Variants in FGF13 observed in about 807,000 individuals in gnomAD.
The protein encoded by FGF13 is fibroblast growth factor 13, also known as fibroblast growth factor homologous factor 2.
FGF13 carries 2 observed loss-of-function variants against 19.5 expected under a neutral mutation model. The observed-to-expected ratio is 0.10, with a 90% CI of 0.04 to 0.32. The LOEUF is 0.32. FGF13 is among the 10% of genes least tolerant of loss of function. The pLI, the probability that FGF13 is intolerant of heterozygous loss-of-function variation, is 1.00. For synonymous variants in FGF13, 72 were observed against 76.9 expected, an observed-to-expected ratio of 0.94 and a Z score of 0.33; for missense variants, 113 against 192.7, an observed-to-expected ratio of 0.59 and a Z score of 2.45.
At chrX:139,118,414 C>T (rs1357425615) in intron 1 of FGF13, among the ~76,000 whole-genome samples, 4 of 111,387 alleles carry the variant, frequency 3.6e-5, no homozygotes, top group Non-Finnish European at 7.5e-5. Flanking sequence ...GTAAGTCAAA[C>T]CATCATAAGT....
At chrX:138,898,337 G>A (rs116280887) in intron 1 of FGF13, among the ~76,000 whole-genome samples, 2,926 of 111,788 alleles carry the variant, frequency 0.026, 91 homozygotes, top group African/African-American at 0.091. Flanking sequence ...AAAGTAGTTG[G>A]TTCATAAATA....
At chrX:138,984,573 A>AAGAAGAAGAAGG (rs2091981563) in intron 1 of FGF13, among the ~76,000 whole-genome samples, 1 of 53,514 alleles carries the variant, frequency 1.9e-5, no homozygotes, top group Admixed American at 2.1e-4. Flanking sequence ...GAAGAAGAAG[A>AAGAAGAAGAAGG]AGAAGAAGAA....
At chrX:138,834,230 CTCT>C (rs2091094881) in intron 3 of FGF13, among the ~76,000 whole-genome samples, 2 of 112,055 alleles carry the variant, frequency 1.8e-5, no homozygotes, top group Admixed American at 1.9e-4. Context: ...ATGGTACCAG[CTCT>C]TCTTTGTACA....
chrX:139,060,623 C>A (rs1334433733), intron 1 of FGF13, among the ~76,000 whole-genome samples: 1 of 111,608 alleles, frequency 9.0e-6, no homozygotes, highest in Non-Finnish European at 1.9e-5. Context: ...ACTTTTCCTG[C>A]ATATGACTCC....
At chrX:139,073,110 T>G in intron 1 of FGF13, among the ~76,000 whole-genome samples, 1 of 105,400 alleles carries the variant, frequency 9.5e-6, no homozygotes, top group Admixed American at 1.0e-4. Flanking sequence ...ATTGTTTTAT[T>G]TTTTCTAGTT....
chrX:138,913,698 AAGGAAG>A lies in FGF13; in HGVS notation c.-112-49054_-112-49049del, dbSNP rs2091603698. On this transcript the variant is annotated intron_variant, in intron 1 of 2. Transcript: ENST00000421460. The stretch of plus-strand genomic sequence containing the variant: ...GAAGGAAGGAAGGAAGGAAGGAAGG[AAGGAAG>A]GAAAGAAAACTATCAGGGCGAACAA... Among the ~76,000 whole-genome samples, 3 of 103,454 alleles carry A rather than the reference AAGGAAG, an allele frequency of 2.9e-5. No homozygotes were observed. The South Asian group carries it at 1.4e-3, about 48-fold the overall frequency. 89.8% of individuals were successfully genotyped at this position (103,454 alleles called of 115,157 possible).
chrX:139,169,225 T>G (rs2084110468), intron 1 of FGF13, among the ~76,000 whole-genome samples: 1 of 112,102 alleles, frequency 8.9e-6, no homozygotes. Flanking sequence ...CCCATTTATC[T>G]CTTGCTCTTC....
chrX:139,000,854 C>A (rs901053150), intron 1 of FGF13, among the ~76,000 whole-genome samples: 1 of 111,814 alleles, frequency 8.9e-6, no homozygotes, highest in Non-Finnish European at 1.9e-5. Flanking sequence ...TCATATGGAA[C>A]CAAAAAGAGC....
At chrX:138,970,470 C>T (rs1000948891) in intron 1 of FGF13, among the ~76,000 whole-genome samples, 5 of 111,340 alleles carry the variant, frequency 4.5e-5, no homozygotes, top group African/African-American at 6.5e-5. Context: ...CAATATGTCA[C>T]TCTGTTTGGA....
chrX:138,832,914 A>G (rs879202311), intron 3 of FGF13, among the ~76,000 whole-genome samples: 1 of 112,038 alleles, frequency 8.9e-6, no homozygotes, highest in Non-Finnish European at 1.9e-5. Context: ...TTTATTGAAT[A>G]GTGACTCCTT....
intron 1 of FGF13, among the ~76,000 whole-genome samples, chrX:139,164,261 T>C (rs2084061208): frequency 9.0e-6 from 1 of 111,315 alleles, no homozygotes; most frequent in African/African-American, 3.3e-5. Flanking sequence ...GTGGTAGTTC[T>C]GTGGATAATT....
chrX:138,978,266 G>GTTTTTTTTTTTTTGTTTTT (rs1556318704), intron 1 of FGF13, among the ~76,000 whole-genome samples: 7 of 82,891 alleles, frequency 8.4e-5, no homozygotes, highest in African/African-American at 3.4e-4. Context: ...AGCTGCCCTG[G>GTTTTTTTTTTTTTGTTTTT]TTTTTTTTTT....
At chrX:138,828,649 A>C (rs905430463) in intron 3 of FGF13, among the ~76,000 whole-genome samples, 1 of 111,951 alleles carries the variant, frequency 8.9e-6, no homozygotes. Context: ...CATTCTGTGA[A>C]AGCCACTTAC....
At chrX:138,884,766 A>G (rs750331165) in intron 1 of FGF13, among the ~76,000 whole-genome samples, 1 of 111,891 alleles carries the variant, frequency 8.9e-6, no homozygotes, top group Non-Finnish European at 1.9e-5. Flanking sequence ...GTCGATATTT[A>G]TTGACTAGGA....
intron 1 of FGF13, among the ~76,000 whole-genome samples, chrX:139,107,716 A>G (rs1046313259): frequency 1.8e-5 from 2 of 110,707 alleles, no homozygotes; most frequent in Non-Finnish European, 3.8e-5. Flanking sequence ...AATATAAAAT[A>G]TTAACTGACA....
intron 1 of FGF13, among the ~76,000 whole-genome samples, chrX:139,026,136 C>G (rs2092199894): frequency 9.0e-6 from 1 of 110,842 alleles, no homozygotes; most frequent in South Asian, 3.8e-4. Context: ...GTGAAATGTC[C>G]TTGTTATAAT....
chrX:139,104,303 C>G (rs963922768), intron 1 of FGF13, among the ~76,000 whole-genome samples: 2 of 110,106 alleles, frequency 1.8e-5, no homozygotes, highest in African/African-American at 6.6e-5. Flanking sequence ...TTGTCATTGT[C>G]ATTGGAATAC....
intron 3 of FGF13, among the ~76,000 whole-genome samples, chrX:138,814,134 G>A (rs2090945312): frequency 1.8e-5 from 2 of 110,250 alleles, no homozygotes; most frequent in African/African-American, 6.6e-5. Context: ...TTGATAGGAT[G>A]ACTCAATAGT....
intron 1 of FGF13, among the ~76,000 whole-genome samples, chrX:139,073,478 C>T (rs2092383314): frequency 9.0e-6 from 1 of 111,496 alleles, no homozygotes; most frequent in Non-Finnish European, 1.9e-5. Flanking sequence ...TGAATCACCC[C>T]TATTTCACTC....
Sources: allele counts gnomAD v4.1 joint callset (sites outside exome capture counted in the v4.1 genomes callset), GRCh38; gene constraint gnomAD v4.1.1; transcripts MANE v1.5; gene names NCBI Gene and HGNC (gene_info 2026-07-23, HGNC 2026-07-21).